Variants in RBKS observed in about 807,000 individuals in gnomAD.
RBKS encodes ribokinase.
RBKS carries 33 observed loss-of-function variants against 33.9 expected under a neutral mutation model. The ratio of observed to expected loss-of-function variants is 0.97; its 90% CI spans 0.74 to 1.30. The LOEUF is 1.30. Among genes scored for constraint, RBKS ranks in the 50% most tolerant of loss-of-function variants. The pLI is 0.00. For synonymous variants in RBKS, 125 were observed against 143.0 expected (o/e 0.87, Z 0.90); for missense variants, 361 against 392.6 (o/e 0.92, Z 0.68).
rs1008145662 is a variant in RBKS, at chr2:27,890,070, A to G, written c.89+187T>C. The G allele has an allele frequency of 1.9e-5, 11 of 565,054 alleles. No homozygotes were observed. The highest frequency in any genetic ancestry group is 3.2e-5 in the Non-Finnish European group (10 of 317,196). The allele number at this position is 565,054 out of a possible 1,614,324, so 35.0% of individuals were successfully genotyped here. ...TATTACGTCCCCTCCCCTGAGATTTACCTTTATATACTCAAGTTCTTTCAT... is the reference window on the plus strand; with the variant it reads ...TATTACGTCCCCTCCCCTGAGATTTGCCTTTATATACTCAAGTTCTTTCAT... On this transcript the variant is annotated intron_variant, in intron 1 of 7. Transcript: ENST00000302188. The surrounding 1 kb of genome is among the most constrained non-coding windows in gnomAD (Gnocchi z 4.8).
chr2:27,871,505 CT>C (rs1302574547), intron 1 of RBKS, among the ~76,000 whole-genome samples: 3 of 152,140 alleles, frequency 2.0e-5, no homozygotes, highest in Non-Finnish European at 2.9e-5. Flanking sequence ...ATCATTGGGT[CT>C]TTCCCCCCTT....
chr2:27,835,887 A>T (rs574671264), intron 5 of RBKS, among the ~76,000 whole-genome samples: 2 of 152,308 alleles, frequency 1.3e-5, no homozygotes, highest in South Asian at 4.1e-4. Flanking sequence ...ACTACAGGTT[A>T]AGTGCTGTAT....
Position 27,827,698 on chromosome 2 carries a change from A to G in RBKS, c.664T>C (p.Leu222=). ...GSAADAGEAA[L]VLLKRGCQVV... ...TGGCAGCCCCTTTTCAAGAGCACTA[A>G]TGCAGCCTCCCCAGCATCTGCAGCG... is the stretch of plus-strand genomic sequence containing the variant. The change falls in exon 7 of 8, where the codon TTA becomes CTA. Residue 222 remains leucine, a synonymous_variant. Coordinates refer to ENST00000302188, the MANE Select transcript of RBKS (RefSeq NM_022128.3). 1 of 1,613,696 alleles carries G rather than the reference A, an allele frequency of 6.2e-7. No homozygotes were observed. The highest frequency in any genetic ancestry group is 8.5e-7 in the Non-Finnish European group (1 of 1,179,870).
At chr2:27,822,775 A>C (rs972447266) in intron 7 of RBKS, among the ~76,000 whole-genome samples, 2 of 152,334 alleles carry the variant, frequency 1.3e-5, no homozygotes, top group East Asian at 3.9e-4. Flanking sequence ...AGAATAGGAA[A>C]GATAAATTCC....
intron 6 of RBKS, among the ~76,000 whole-genome samples, chr2:27,828,849 C>T (rs1437139780): frequency 6.6e-6 from 1 of 152,082 alleles, no homozygotes. Context: ...TTTCTTCTTT[C>T]ATAATGAATG....
At chr2:27,815,317 C>T (rs1678066152) in intron 7 of RBKS, among the ~76,000 whole-genome samples, 1 of 152,170 alleles carries the variant, frequency 6.6e-6, no homozygotes, top group South Asian at 2.1e-4. Context: ...AAGTGATCCT[C>T]TTGCCTCAGC....
chr2:27,841,106 C>T (rs1256695484), intron 5 of RBKS, among the ~76,000 whole-genome samples: 2 of 152,114 alleles, frequency 1.3e-5, no homozygotes, highest in Admixed American at 1.3e-4. Context: ...GGTCCTCCAG[C>T]TCCCAACTGG....
chr2:27,840,083 G>A (rs963111808), intron 5 of RBKS, among the ~76,000 whole-genome samples: 3 of 147,538 alleles, frequency 2.0e-5, no homozygotes, highest in East Asian at 2.0e-4. Flanking sequence ...GGAGTGGCGC[G>A]ATCTCAGCTC....
At chr2:27,840,362 G>C (rs575821465) in intron 5 of RBKS, among the ~76,000 whole-genome samples, 1 of 90,044 alleles carries the variant, frequency 1.1e-5, no homozygotes, top group Non-Finnish European at 2.3e-5. Flanking sequence ...ACACGCGCGC[G>C]CGCACACACA....
intron 7 of RBKS, among the ~76,000 whole-genome samples, chr2:27,817,778 C>T (rs1307462964): frequency 2.0e-5 from 3 of 152,132 alleles, no homozygotes; most frequent in African/African-American, 7.2e-5. Context: ...CAAGTAGGCC[C>T]ATCTTCCATG....
At chr2:27,861,294 C>A (rs1177244160) in intron 1 of RBKS, 6 of 342,030 alleles carry the variant, frequency 1.8e-5, no homozygotes, top group Non-Finnish European at 2.9e-5. Flanking sequence ...CTGTGTCTCC[C>A]CCGTATAGCA....
intron 1 of RBKS, among the ~76,000 whole-genome samples, chr2:27,872,126 C>T (rs887077232): frequency 1.3e-5 from 2 of 152,226 alleles, no homozygotes; most frequent in African/African-American, 4.8e-5. Context: ...CACTCACCTC[C>T]TGCTTTGCAG....
At position 27,832,764 on chromosome 2, in the gene RBKS, G is replaced by T; in HGVS notation, c.528C>A (p.Phe176Leu). The T allele has an allele frequency of 6.2e-7, 1 of 1,610,458 alleles. No homozygotes were observed. Among genetic ancestry groups the T allele is most frequent in the South Asian group, 1.1e-5 (1 of 91,010 alleles). Residue 176 changes from phenylalanine (F) to leucine (L), a missense_variant, in exon 6 of 8, where the codon TTC (phenylalanine) becomes TTA (leucine). Physicochemically the swap from Phe to Leu is conservative, Grantham distance 22. Coordinates refer to ENST00000302188, the MANE Select transcript of RBKS (RefSeq NM_022128.3). ...MARRSGVKTLFNPAPAIADLD... is the reference protein window; with the variant it reads ...MARRSGVKTLLNPAPAIADLD... ...GGTCAGCAATGGCAGGGGCTGGATT[G>T]AACAAGGTTTTCACTACAAAGGAAT... is the stretch of plus-strand genomic sequence containing the variant.
chr2:27,865,706 G>C (rs1337471872), intron 1 of RBKS, among the ~76,000 whole-genome samples: 1 of 150,792 alleles, frequency 6.6e-6, no homozygotes, highest in East Asian at 2.0e-4. Flanking sequence ...AAGTCACCAT[G>C]CCTGGCTGAT....
At chr2:27,838,632 G>A (rs761646920) in intron 5 of RBKS, among the ~76,000 whole-genome samples, 3 of 152,186 alleles carry the variant, frequency 2.0e-5, no homozygotes, top group Non-Finnish European at 4.4e-5. Context: ...TACCACAAAT[G>A]AGCATACTCC....
At chr2:27,862,846 A>G (rs1195432849) in intron 1 of RBKS, among the ~76,000 whole-genome samples, 1 of 152,222 alleles carries the variant, frequency 6.6e-6, no homozygotes, top group African/African-American at 2.4e-5. Flanking sequence ...ACAAACAGGC[A>G]GAAGCATTTC....
At chr2:27,798,748 C>T (rs1175644782) in intron 7 of RBKS, among the ~76,000 whole-genome samples, 1 of 152,220 alleles carries the variant, frequency 6.6e-6, no homozygotes, top group African/African-American at 2.4e-5. Flanking sequence ...CTCCTATTCA[C>T]TTAAGGAACT....
At chr2:27,873,760 T>C (rs1664260067) in intron 1 of RBKS, among the ~76,000 whole-genome samples, 1 of 152,128 alleles carries the variant, frequency 6.6e-6, no homozygotes, top group South Asian at 2.1e-4. Flanking sequence ...TACAGAAGAA[T>C]TGCATTTGAA....
chr2:27,883,261 A>G (rs1386418850), intron 1 of RBKS, among the ~76,000 whole-genome samples: 5 of 147,854 alleles, frequency 3.4e-5, no homozygotes, highest in African/African-American at 1.3e-4. Context: ...GTGCAGTGGC[A>G]CGATCTCAGC....
Sources: gnomAD v4.1 joint callset for allele counts (sites outside exome capture counted in the v4.1 genomes callset) on GRCh38, gnomAD v4.1.1 for gene constraint, Gnocchi (gnomAD v3.1) non-coding constraint, MANE v1.5 for transcripts, NCBI Gene and HGNC (gene_info 2026-07-23, HGNC 2026-07-21) for gene names.